Variants in KCNMA1 observed in about 807,000 individuals in gnomAD.
KCNMA1 encodes potassium calcium-activated channel subfamily M alpha 1, also known as Calcium-activated potassium channel subunit alpha-1.
A neutral mutation model predicts 140.0 loss-of-function variants in KCNMA1; 29 were observed. That is an observed-to-expected ratio of 0.21 (90% CI 0.15 to 0.28). KCNMA1 has a LOEUF of 0.28. Among genes scored for constraint, KCNMA1 ranks in the 10% least tolerant of loss-of-function variants. The pLI is 1.00. For missense variants in KCNMA1, 880 were observed against 1,602.2 expected (o/e 0.55, Z 7.70); for synonymous variants, 612 against 611.9 (o/e 1.00, Z 0.00).
chr10:76,919,235 A>C (rs2054293336), intron 23 of KCNMA1, among the ~76,000 whole-genome samples: 1 of 152,172 alleles, frequency 6.6e-6, no homozygotes, highest in South Asian at 2.1e-4. Context: ...AGGATGCACC[A>C]AAATCTCACA....
At chr10:77,257,134 G>A (rs1390301044) in intron 2 of KCNMA1, among the ~76,000 whole-genome samples, 2 of 152,216 alleles carry the variant, frequency 1.3e-5, no homozygotes, top group African/African-American at 4.8e-5. Flanking sequence ...GAAAAAAATA[G>A]ATGTGAGAAC....
At chr10:77,432,253 A>G (rs2097170791) in intron 1 of KCNMA1, among the ~76,000 whole-genome samples, 1 of 152,200 alleles carries the variant, frequency 6.6e-6, no homozygotes, top group African/African-American at 2.4e-5. Flanking sequence ...GAATCACCTT[A>G]TGTTCCTTCA....
At chr10:77,251,015 T>C in intron 3 of KCNMA1, 180 bp downstream of exon 3, 1 of 637,138 alleles carries the variant, frequency 1.6e-6, no homozygotes. Context: ...AAAATAGCCT[T>C]CCTTCTGAGA....
At chr10:76,906,589 C>A (rs780950583) in intron 25 of KCNMA1, among the ~76,000 whole-genome samples, 2 of 152,148 alleles carry the variant, frequency 1.3e-5, no homozygotes, top group Admixed American at 1.3e-4. Context: ...TGGGGAGGAG[C>A]GCTAGAATAA....
At chr10:77,436,957 TACAC>T (rs10536103) in intron 1 of KCNMA1, among the ~76,000 whole-genome samples, 2,671 of 134,266 alleles carry the variant, frequency 0.02, 30 homozygotes, top group African/African-American at 0.028. Flanking sequence ...CTTCTTTCTT[TACAC>T]ACACACACAC....
intron 2 of KCNMA1, among the ~76,000 whole-genome samples, chr10:77,289,181 C>T (rs2072224546): frequency 1.3e-5 from 2 of 152,204 alleles, no homozygotes; most frequent in African/African-American, 4.8e-5. Context: ...TCCTAATTAG[C>T]TCCTTGGCAG....
At chr10:77,085,419 G>C (rs888524060) in intron 11 of KCNMA1, among the ~76,000 whole-genome samples, 1 of 152,186 alleles carries the variant, frequency 6.6e-6, no homozygotes. Flanking sequence ...GCTAATGATT[G>C]CTTGCATTTA....
At chr10:76,961,580 C>A (rs2071452630) in intron 20 of KCNMA1, among the ~76,000 whole-genome samples, 1 of 152,210 alleles carries the variant, frequency 6.6e-6, no homozygotes. Flanking sequence ...TGCTATCCAA[C>A]AGCATCACAT....
At chr10:76,951,170 G>A (rs1038933200) in intron 21 of KCNMA1, among the ~76,000 whole-genome samples, 3 of 152,242 alleles carry the variant, frequency 2.0e-5, no homozygotes, top group Non-Finnish European at 2.9e-5. Context: ...TTGAGTGGCC[G>A]AGGCACAGAT....
intron 23 of KCNMA1, among the ~76,000 whole-genome samples, chr10:76,934,288 CTTTA>C (rs918130659): frequency 2.0e-5 from 3 of 152,142 alleles, no homozygotes; most frequent in Non-Finnish European, 4.4e-5. Context: ...CCATTTATTT[CTTTA>C]TTTTTTTCTT....
At chr10:77,469,780 C>G (rs1245683051) in intron 1 of KCNMA1, among the ~76,000 whole-genome samples, 2 of 152,136 alleles carry the variant, frequency 1.3e-5, no homozygotes, top group African/African-American at 4.8e-5. Context: ...GCCATTCTGA[C>G]TCTAGAGGGA....
chr10:76,957,646 G>C (rs1179867048), intron 20 of KCNMA1, among the ~76,000 whole-genome samples: 2 of 152,198 alleles, frequency 1.3e-5, no homozygotes, highest in Admixed American at 6.5e-5. Flanking sequence ...TTGAAGCACT[G>C]TGCTGTCACT....
At chr10:77,205,838 AT>A (rs781227520) in intron 3 of KCNMA1, among the ~76,000 whole-genome samples, 18 of 152,342 alleles carry the variant, frequency 1.2e-4, no homozygotes, top group Non-Finnish European at 2.4e-4. Flanking sequence ...AGTCTATGAA[AT>A]TGTAAAAATT....
At chr10:77,059,661 GA>G (rs1163954590) in intron 14 of KCNMA1, among the ~76,000 whole-genome samples, 1 of 151,916 alleles carries the variant, frequency 6.6e-6, no homozygotes, top group Non-Finnish European at 1.5e-5. Context: ...ATTCATGATT[GA>G]AAAAAATAAA....
chr10:77,049,733 G>A (rs190758252), intron 14 of KCNMA1, among the ~76,000 whole-genome samples: 6 of 152,236 alleles, frequency 3.9e-5, no homozygotes, highest in East Asian at 1.9e-4. Context: ...ACTTCATAGC[G>A]TTTAGTGTTG....
intron 23 of KCNMA1, among the ~76,000 whole-genome samples, chr10:76,927,905 T>C (rs1307795965): frequency 1.3e-5 from 2 of 152,128 alleles, no homozygotes; most frequent in East Asian, 1.9e-4. Flanking sequence ...CACTGGAAAA[T>C]TGAAAAGAGG....
At chr10:77,324,269 T>G (rs748049592) in intron 2 of KCNMA1, among the ~76,000 whole-genome samples, 3 of 152,134 alleles carry the variant, frequency 2.0e-5, no homozygotes, top group Non-Finnish European at 4.4e-5. Flanking sequence ...TTCCCAGCTC[T>G]GCCAATTCCC....
At chr10:77,382,226 G>A (rs1439167235) in intron 2 of KCNMA1, among the ~76,000 whole-genome samples, 3 of 152,054 alleles carry the variant, frequency 2.0e-5, no homozygotes, top group African/African-American at 7.2e-5. Flanking sequence ...GGTTCTGAAG[G>A]CTTCAGCAGC....
At chr10:77,012,763 G>A (rs1426234987) in intron 17 of KCNMA1, among the ~76,000 whole-genome samples, 2 of 152,204 alleles carry the variant, frequency 1.3e-5, no homozygotes, top group Non-Finnish European at 2.9e-5. Flanking sequence ...AGAGCTTATT[G>A]AAGCAATAGG....
Sources: allele counts gnomAD v4.1 joint callset (sites outside exome capture counted in the v4.1 genomes callset), GRCh38; gene constraint gnomAD v4.1.1; transcripts MANE v1.5; gene names NCBI Gene and HGNC (gene_info 2026-07-23, HGNC 2026-07-21).